The following CMSS1 variants were observed in gnomAD, a reference collection of about 807,000 sequenced individuals.
CMSS1 encodes the protein protein CMSS1.
Under a neutral mutation model 43.5 loss-of-function variants are expected in CMSS1, and 33 were observed. The ratio of observed to expected loss-of-function variants is 0.76; its 90% CI spans 0.57 to 1.01. The LOEUF (loss-of-function observed/expected upper bound fraction) is 1.01, where lower values mean the gene tolerates loss of function less well. Among genes scored for constraint, CMSS1 ranks in the 50% least tolerant of loss-of-function variants. The probability of loss-of-function intolerance (pLI) is 0.00; values close to 1 mark genes in which losing one functional copy is unlikely to be tolerated. For synonymous variants in CMSS1, 115 were observed against 117.2 expected, an observed-to-expected ratio of 0.98 and a Z score of 0.12; for missense variants, 313 against 326.4, an observed-to-expected ratio of 0.96 and a Z score of 0.32.
At chr3:99,992,067 C>T (rs909797198) in intron 1 of CMSS1, among the ~76,000 whole-genome samples, 1 of 150,388 alleles carries the variant, frequency 6.6e-6, no homozygotes, top group Non-Finnish European at 1.5e-5. Context: ...TATAGTCCTC[C>T]ATTAATGGAC....
At chr3:100,147,164 ATTTAAGAGAGCCTTTTACT>A (rs2066859651) in intron 2 of CMSS1, 103 bp downstream of exon 2, 2 of 1,193,108 alleles carry the variant, frequency 1.7e-6, no homozygotes, top group Non-Finnish European at 2.3e-6. Flanking sequence ...TGTTGGTGGG[ATTTAAGAGAGCCTTTTACT>A]TTCTTTCCCT....
chr3:99,919,625 G>A (rs141791200), intron 1 of CMSS1, among the ~76,000 whole-genome samples: 6 of 151,940 alleles, frequency 3.9e-5, no homozygotes, highest in East Asian at 1.9e-4. Flanking sequence ...TTTGAGAGAA[G>A]CCTTTAAAAG....
chr3:100,059,818 C>T (rs746023321), intron 1 of CMSS1, among the ~76,000 whole-genome samples: 13 of 152,154 alleles, frequency 8.5e-5, no homozygotes, highest in Non-Finnish European at 1.5e-4. Flanking sequence ...GTATCATCTC[C>T]TGATTTTTAA....
rs141449044 is a variant in CMSS1, at chr3:99,851,036, G to C, written c.64+32993G>C. 1,346 of 1,600,692 alleles carry C rather than the reference G, an allele frequency of 8.4e-4. 11 individuals are homozygous for C. In the African/African-American group the frequency reaches 0.016, roughly 19 times the overall value. On this transcript the variant is annotated intron_variant, in intron 1 of 9. Coordinates refer to ENST00000421999, the MANE Select transcript of CMSS1 (RefSeq NM_032359.4). ...TCCTTTTCTTGCTCCTTCTCCTCCTGAGACTTGATTTCTTGATCAATTAGC... is the reference window on the plus strand; with the variant it reads ...TCCTTTTCTTGCTCCTTCTCCTCCTCAGACTTGATTTCTTGATCAATTAGC...
intron 1 of CMSS1, chr3:99,848,436 A>G (rs762904498): frequency 2.5e-6 from 4 of 1,614,178 alleles, no homozygotes; most frequent in Non-Finnish European, 3.4e-6. Context: ...AAGGGCTGGC[A>G]GGTCTCACAG....
chr3:99,850,414 C>G lies in CMSS1; in HGVS notation c.64+32371C>G, dbSNP rs1467780426. The G allele has an allele frequency of 6.8e-6, 11 of 1,613,874 alleles. 1 individual carries two copies. The South Asian group carries it at 1.2e-4, about 18-fold the overall frequency. The stretch of plus-strand genomic sequence containing the variant: ...CTTTTCCAGAGCCATAATTCTTTTA[C>G]TGAGTTTTTCAACCTCTAGTTTAAA... On this transcript the variant is annotated intron_variant, in intron 1 of 9. Coordinates refer to ENST00000421999, the MANE Select transcript of CMSS1 (RefSeq NM_032359.4).
At chr3:99,942,542 G>A (rs905191607) in intron 1 of CMSS1, among the ~76,000 whole-genome samples, 2 of 152,172 alleles carry the variant, frequency 1.3e-5, no homozygotes, top group African/African-American at 4.8e-5. Flanking sequence ...TTTAAGAAGT[G>A]GTTTCCTTGC....
chr3:100,028,874 C>CTT (rs1173987311), intron 1 of CMSS1, among the ~76,000 whole-genome samples: 1 of 152,108 alleles, frequency 6.6e-6, no homozygotes, highest in African/African-American at 2.4e-5. Context: ...TTCAATACAC[C>CTT]TTTTTACTGA....
At chr3:100,152,479 C>T (rs1198846767) in intron 2 of CMSS1, among the ~76,000 whole-genome samples, 1 of 152,136 alleles carries the variant, frequency 6.6e-6, no homozygotes, top group Non-Finnish European at 1.5e-5. Flanking sequence ...AGGCAATATT[C>T]CTTAAGCTTC....
At chr3:100,068,672 G>T (rs1455119678) in intron 1 of CMSS1, among the ~76,000 whole-genome samples, 1 of 152,104 alleles carries the variant, frequency 6.6e-6, no homozygotes, top group African/African-American at 2.4e-5. Context: ...CTGTTACCCA[G>T]GCTGGAGTGC....
At chr3:99,971,120 T>A (rs112676473) in intron 1 of CMSS1, among the ~76,000 whole-genome samples, 1 of 151,904 alleles carries the variant, frequency 6.6e-6, no homozygotes, top group Non-Finnish European at 1.5e-5. Flanking sequence ...GGCGGATCAC[T>A]AGGTCAGGAG....
At chr3:100,034,256 A>G (rs1261949962) in intron 1 of CMSS1, among the ~76,000 whole-genome samples, 1 of 152,172 alleles carries the variant, frequency 6.6e-6, no homozygotes, top group Non-Finnish European at 1.5e-5. Context: ...GGGGGGAAAA[A>G]GCTGCAGCCA....
intron 1 of CMSS1, among the ~76,000 whole-genome samples, chr3:100,134,154 AACTCACAT>A (rs1269203768): frequency 6.6e-6 from 1 of 152,086 alleles, no homozygotes; most frequent in Non-Finnish European, 1.5e-5. Flanking sequence ...GAAATTATGT[AACTCACAT>A]ACCCACATGT....
chr3:100,052,358 C>T (rs975604284), intron 1 of CMSS1, among the ~76,000 whole-genome samples: 4 of 152,182 alleles, frequency 2.6e-5, no homozygotes, highest in African/African-American at 7.2e-5. Flanking sequence ...CTTCTCTGCA[C>T]CAAAATTCCA....
At chr3:99,862,113 G>A (rs544264856) in intron 1 of CMSS1, among the ~76,000 whole-genome samples, 3 of 152,208 alleles carry the variant, frequency 2.0e-5, no homozygotes, top group African/African-American at 7.2e-5. Flanking sequence ...AAGTATGTAA[G>A]GTAACAAATA....
chr3:100,137,381 T>C (rs1348202266), intron 1 of CMSS1, among the ~76,000 whole-genome samples: 3 of 152,096 alleles, frequency 2.0e-5, no homozygotes, highest in African/African-American at 7.2e-5. Flanking sequence ...AAAGGAACAA[T>C]TCTACAGGAA....
chr3:100,149,490 T>C (rs1205891114), intron 2 of CMSS1, among the ~76,000 whole-genome samples: 2 of 152,248 alleles, frequency 1.3e-5, no homozygotes, highest in Admixed American at 6.5e-5. Context: ...AACCTTAAGC[T>C]GTTACTGCCC....
intron 1 of CMSS1, among the ~76,000 whole-genome samples, chr3:99,971,232 C>T (rs1243087543): frequency 1.3e-5 from 2 of 150,962 alleles, no homozygotes; most frequent in Non-Finnish European, 1.5e-5. Context: ...CCCAGCTACT[C>T]GGGAGGCTGA....
chr3:100,096,097 A>C (rs2066201958), intron 1 of CMSS1, among the ~76,000 whole-genome samples: 1 of 152,136 alleles, frequency 6.6e-6, no homozygotes, highest in Non-Finnish European at 1.5e-5. Flanking sequence ...AGTTAAAATG[A>C]CTTTTATCCA....
Sources: gnomAD v4.1 joint callset for allele counts (sites outside exome capture counted in the v4.1 genomes callset) on GRCh38, gnomAD v4.1.1 for gene constraint, MANE v1.5 for transcripts, NCBI Gene and HGNC (gene_info 2026-07-23, HGNC 2026-07-21) for gene names.